The following CNBD1 variants were observed in gnomAD, a reference collection of about 807,000 sequenced individuals.
The protein encoded by CNBD1 is cyclic nucleotide-binding domain-containing protein 1.
A neutral mutation model predicts 54.4 loss-of-function variants in CNBD1; 71 were observed. That is an observed-to-expected ratio of 1.30 (90% CI 1.08 to 1.59). CNBD1 has a LOEUF of 1.59. CNBD1 is among the 40% of genes most tolerant of loss of function. The pLI, the probability that CNBD1 is intolerant of heterozygous loss-of-function variation, is 0.00. For missense variants in CNBD1, 659 were observed against 518.0 expected (o/e 1.27, Z -2.64); for synonymous variants, 182 against 170.7 (o/e 1.07, Z -0.51).
intron 2 of CNBD1, among the ~76,000 whole-genome samples, chr8:87,413,263 T>G (rs1252337518): frequency 6.6e-6 from 1 of 152,116 alleles, no homozygotes; most frequent in African/African-American, 2.4e-5. Context: ...TAACTTTCCC[T>G]TTTGCATAGT....
At chr8:87,150,126 G>A (rs530804837) in intron 4 of CNBD1, among the ~76,000 whole-genome samples, 14 of 152,216 alleles carry the variant, frequency 9.2e-5, no homozygotes, top group Non-Finnish European at 1.8e-4. Context: ...GCAGTGAGCC[G>A]AGATGGCACC....
chr8:87,335,594 G>A (rs558265555), intron 8 of CNBD1, among the ~76,000 whole-genome samples: 1 of 152,090 alleles, frequency 6.6e-6, no homozygotes, highest in East Asian at 1.9e-4. Context: ...GAGCCTACGT[G>A]TGTCTTTGCA....
intron 4 of CNBD1, among the ~76,000 whole-genome samples, chr8:87,036,904 C>A (rs1348499805): frequency 6.6e-6 from 1 of 152,124 alleles, no homozygotes; most frequent in Admixed American, 6.5e-5. Context: ...CTAAGATTTT[C>A]TTTGCCTTCA....
chr8:87,081,313 A>G (rs1323680605), intron 4 of CNBD1, among the ~76,000 whole-genome samples: 2 of 151,974 alleles, frequency 1.3e-5, no homozygotes, highest in Non-Finnish European at 2.9e-5. Flanking sequence ...TTTTCTAGCT[A>G]TCTTTCTGGT....
chr8:87,367,549 C>T (rs750889676), intron 10 of CNBD1, among the ~76,000 whole-genome samples: 15 of 152,170 alleles, frequency 9.9e-5, no homozygotes, highest in Non-Finnish European at 1.0e-4. Flanking sequence ...AAAATTGGTA[C>T]GTTGTTATGA....
chr8:87,018,396 T>TA (rs962664514), intron 4 of CNBD1, among the ~76,000 whole-genome samples: 7 of 152,006 alleles, frequency 4.6e-5, no homozygotes, highest in African/African-American at 1.2e-4. Flanking sequence ...AAAAGGTGGC[T>TA]AAAAAAAATT....
intron 10 of CNBD1, among the ~76,000 whole-genome samples, chr8:87,367,942 C>A (rs540846000): frequency 6.6e-6 from 1 of 152,082 alleles, no homozygotes; most frequent in Admixed American, 6.6e-5. Context: ...GAGGCAGAGG[C>A]AGGTGGATCA....
intron 10 of CNBD1, among the ~76,000 whole-genome samples, chr8:87,360,157 G>C (rs549381327): frequency 1.3e-5 from 2 of 152,018 alleles, no homozygotes; most frequent in South Asian, 2.1e-4. Context: ...CACTGTACCT[G>C]TACTTCAAGA....
chr8:87,277,171 A>T (rs936327138), intron 6 of CNBD1, among the ~76,000 whole-genome samples: 2 of 151,668 alleles, frequency 1.3e-5, no homozygotes, highest in African/African-American at 4.8e-5. Flanking sequence ...CAAAATCTGC[A>T]GAGGTGATGT....
intron 6 of CNBD1, among the ~76,000 whole-genome samples, chr8:87,264,172 G>A (rs185827780): frequency 0.012 from 1,833 of 147,226 alleles, 135 homozygotes; most frequent in Admixed American, 0.11. Context: ...AACAGGCCCC[G>A]GAGTGTGATG....
intron 4 of CNBD1, among the ~76,000 whole-genome samples, chr8:87,044,023 T>C (rs1016254047): frequency 2.0e-5 from 3 of 152,226 alleles, no homozygotes; most frequent in African/African-American, 7.2e-5. Flanking sequence ...ATCTCTATGA[T>C]CTGAGTCATT....
intron 8 of CNBD1, among the ~76,000 whole-genome samples, chr8:87,313,019 G>A (rs1809301877): frequency 6.6e-6 from 1 of 151,956 alleles, no homozygotes; most frequent in African/African-American, 2.4e-5. Flanking sequence ...TTTTCATTAT[G>A]TAATTTTGGC....
At chr8:87,375,351 A>G (rs900298668) in intron 10 of CNBD1, among the ~76,000 whole-genome samples, 2 of 151,896 alleles carry the variant, frequency 1.3e-5, no homozygotes, top group Non-Finnish European at 2.9e-5. Flanking sequence ...AATTTAGCAC[A>G]TTTCAAAGAG....
intron 4 of CNBD1, among the ~76,000 whole-genome samples, chr8:87,126,824 G>A (rs1811999201): frequency 6.6e-6 from 1 of 151,918 alleles, no homozygotes; most frequent in African/African-American, 2.4e-5. Context: ...TATGGTGTGA[G>A]CTGTGGGTTG....
At chr8:87,014,962 T>G (rs1233074466) in intron 4 of CNBD1, among the ~76,000 whole-genome samples, 1 of 152,084 alleles carries the variant, frequency 6.6e-6, no homozygotes, top group Non-Finnish European at 1.5e-5. Context: ...AGAAAGATAT[T>G]TGGGGTAAAA....
chr8:87,299,359 ACT>A (rs1178690210), intron 8 of CNBD1, among the ~76,000 whole-genome samples: 3 of 151,560 alleles, frequency 2.0e-5, no homozygotes, highest in Admixed American at 6.6e-5. Flanking sequence ...ATTTTCCTTC[ACT>A]CTCTCTTTCA....
At chr8:87,113,975 G>T (rs113117262) in intron 4 of CNBD1, among the ~76,000 whole-genome samples, 9 of 151,900 alleles carry the variant, frequency 5.9e-5, no homozygotes, top group African/African-American at 1.9e-4. Context: ...TAGTTCATTT[G>T]CAAAATAAAT....
Position 87,206,119 on chromosome 8 carries a change from C to G in CNBD1, c.558C>G (p.Thr186=). Reference sequence around the variant, plus strand: ...TTAGTAAGACTGTCTTTTCCGAAACCTGGTTGAAAGGCAGCACAGGTAATA... The same window carrying G: ...TTAGTAAGACTGTCTTTTCCGAAACGTGGTTGAAAGGCAGCACAGGTAATA... The part of the protein sequence containing the change: ...KTLSKTVFSE[T]WLKGSTVVAN... The change falls in exon 5 of 11, where the codon ACC becomes ACG. Residue 186 remains threonine (T), a synonymous_variant. Transcript: ENST00000518476. 1 of 1,587,318 alleles carries G rather than the reference C, an allele frequency of 6.3e-7. No homozygotes were observed. The highest frequency in any genetic ancestry group is 8.6e-7 in the Non-Finnish European group (1 of 1,168,750).
chr8:87,423,279 C>T (rs945118816), intron 2 of CNBD1, among the ~76,000 whole-genome samples: 2 of 150,030 alleles, frequency 1.3e-5, no homozygotes, highest in Admixed American at 6.6e-5. Context: ...CCTTCTCCTG[C>T]CTAATTGCCC....
Sources: allele counts gnomAD v4.1 joint callset (sites outside exome capture counted in the v4.1 genomes callset), GRCh38; gene constraint gnomAD v4.1.1; transcripts MANE v1.5; gene names NCBI Gene and HGNC (gene_info 2026-07-23, HGNC 2026-07-21).